The following ZNF729 variants were observed in gnomAD, a reference collection of about 807,000 sequenced individuals.
ZNF729 encodes zinc finger protein 729.
ZNF729 carries 15 observed loss-of-function variants against 12.2 expected under a neutral mutation model. The ratio of observed to expected loss-of-function variants is 1.23; its 90% CI spans 0.82 to 1.89. The LOEUF (loss-of-function observed/expected upper bound fraction) is 1.89, where lower values mean the gene tolerates loss of function less well. Among genes scored for constraint, ZNF729 ranks in the 40% most tolerant of loss-of-function variants. The pLI is 0.00. For synonymous variants in ZNF729, 492 were observed against 476.3 expected (o/e 1.03, Z -0.43); for missense variants, 1,540 against 1,456.7 (o/e 1.06, Z -0.93).
chr19:22,297,963 C>A (rs914676734), intron 1 of ZNF729, among the ~76,000 whole-genome samples: 15 of 148,598 alleles, frequency 1.0e-4, no homozygotes, highest in African/African-American at 3.7e-4. Flanking sequence ...CGAGATCACC[C>A]CATCGCACTC....
intron 1 of ZNF729, among the ~76,000 whole-genome samples, chr19:22,301,959 TC>T (rs1968312690): frequency 6.6e-6 from 1 of 152,312 alleles, no homozygotes; most frequent in Non-Finnish European, 1.5e-5. Context: ...GCCTGGCTCA[TC>T]ATTGGGTCAT....
rs1379385853 is a variant in ZNF729 at position 22,314,322 on chromosome 19, AG to A, written c.909del (p.Ser304ProfsTer9). The A allele has an allele frequency of 6.2e-7, 1 of 1,608,072 alleles. No homozygotes were observed. The highest frequency in any genetic ancestry group is 1.7e-5 in the Admixed American group (1 of 59,556). Reference protein sequence around the residue: ...YKCEECGKAFKGSSNFNAHKV... With the variant: ...YKCEECGKAFXGSSNFNAHKV... ...TGTGAAGAATGTGGCAAAGCTTTTA[AG>A]GGGTCCTCAAATTTTAATGCACATA... is the stretch of plus-strand genomic sequence containing the variant. On this transcript the variant is annotated frameshift_variant, in exon 4 of 4. Coordinates refer to ENST00000601693, the MANE Select transcript of ZNF729 (RefSeq NM_001242680.2). LOFTEE classifies it low-confidence loss of function (END_TRUNC).
intron 1 of ZNF729, chr19:22,298,952 A>C (rs772563675): frequency 6.6e-6 from 1 of 152,200 alleles, no homozygotes; most frequent in Non-Finnish European, 1.5e-5. Context: ...CCACTATATG[A>C]ACAAAGTCAG....
At position 22,316,451 on chromosome 19, in the gene ZNF729, C is replaced by T; in HGVS notation, c.3034C>T (p.Leu1012=). Residue 1012 remains leucine, a synonymous_variant, in exon 4 of 4, where the codon CTA becomes TTA. Transcript: ENST00000601693. Reference sequence around the variant, plus strand: ...TTCCTCAACCCTTAAGAAACATAAGCTAATTCATACTAGGGAGAAATTGTA... The same window carrying T: ...TTCCTCAACCCTTAAGAAACATAAGTTAATTCATACTAGGGAGAAATTGTA... ...NNSSTLKKHK[L]IHTREKLYKC... 1 of 1,610,282 alleles carries T rather than the reference C, an allele frequency of 6.2e-7. No individual in the cohort carries two copies. Among genetic ancestry groups the T allele is most frequent in the Non-Finnish European group, 8.5e-7 (1 of 1,178,656 alleles).
At chr19:22,312,076 C>T (rs4932976) in intron 3 of ZNF729, among the ~76,000 whole-genome samples, 19,793 of 152,048 alleles carry the variant, frequency 0.13, 1,504 homozygotes, top group East Asian at 0.28. Flanking sequence ...AAGCCATTTT[C>T]ATGAATTACC....
At chr19:22,312,432 G>T (rs1968461458) in intron 3 of ZNF729, among the ~76,000 whole-genome samples, 1 of 133,442 alleles carries the variant, frequency 7.5e-6, no homozygotes, top group South Asian at 2.9e-4. Context: ...AATGTGTCTT[G>T]TCTGAAATTG....
intron 1 of ZNF729, among the ~76,000 whole-genome samples, chr19:22,296,388 A>C (rs190502153): frequency 4.2e-4 from 64 of 152,220 alleles, no homozygotes; most frequent in African/African-American, 1.5e-3. Context: ...ATGTATTTCT[A>C]TTAGGTTTTT....
intron 1 of ZNF729, among the ~76,000 whole-genome samples, chr19:22,290,641 A>C (rs1346475707): frequency 6.6e-6 from 1 of 152,182 alleles, no homozygotes; most frequent in Non-Finnish European, 1.5e-5. Flanking sequence ...ACTCAGACTG[A>C]GGGTAGCTTA....
At chr19:22,306,183 G>A (rs1162655262) in intron 3 of ZNF729, among the ~76,000 whole-genome samples, 3 of 152,124 alleles carry the variant, frequency 2.0e-5, no homozygotes, top group Admixed American at 1.3e-4. Context: ...ACTTATGCCT[G>A]TAATTCCAGC....
intron 1 of ZNF729, among the ~76,000 whole-genome samples, chr19:22,287,251 G>C (rs1248726437): frequency 2.0e-5 from 3 of 150,780 alleles, no homozygotes; most frequent in Non-Finnish European, 4.4e-5. Flanking sequence ...AAAAAAAAAT[G>C]CACTTGAATT....
intron 1 of ZNF729, among the ~76,000 whole-genome samples, chr19:22,301,645 G>A (rs1212862864): frequency 6.6e-6 from 1 of 152,308 alleles, no homozygotes; most frequent in African/African-American, 2.4e-5. Context: ...TTGAGACTGT[G>A]GCTCTGTGAG....
At chr19:22,311,109 T>C (rs1968444938) in intron 3 of ZNF729, among the ~76,000 whole-genome samples, 1 of 152,176 alleles carries the variant, frequency 6.6e-6, no homozygotes, top group Non-Finnish European at 1.5e-5. Flanking sequence ...TTATGGTCTG[T>C]CAATTGTATT....
At position 22,314,242 on chromosome 19, in the gene ZNF729, G is replaced by T. The variant is rs1429141650; in HGVS notation, c.825G>T (p.Gln275His). The change falls in exon 4 of 4, where the codon CAG becomes CAT. Residue 275 changes from glutamine to histidine, a missense_variant. Physicochemically the swap from Gln to His is conservative, Grantham distance 24. Transcript: ENST00000601693. The stretch of plus-strand genomic sequence containing the variant: ...AAGAATGTGGCAAAGCTTTTAACCA[G>T]TCCTCAAATCTTACTGACCATAAGA... The part of the protein sequence containing the change: ...RCEECGKAFN[Q>H]SSNLTDHKRI... The T allele has an allele frequency of 6.2e-6, 10 of 1,607,398 alleles. No individual in the cohort carries two copies. Among genetic ancestry groups the T allele is most frequent in the Non-Finnish European group, 8.5e-6 (10 of 1,177,402 alleles).
intron 3 of ZNF729, among the ~76,000 whole-genome samples, chr19:22,311,353 G>A (rs577664334): frequency 2.2e-4 from 33 of 152,140 alleles, no homozygotes; most frequent in Admixed American, 9.8e-4. Flanking sequence ...TCTTAGCACC[G>A]CCTTTGCTGT....
At chr19:22,307,811 T>TG (rs1968401971) in intron 3 of ZNF729, among the ~76,000 whole-genome samples, 1 of 147,642 alleles carries the variant, frequency 6.8e-6, no homozygotes, top group African/African-American at 2.5e-5. Flanking sequence ...TTTTTTTTTT[T>TG]TTTTTTTTTT....
chr19:22,313,883 T>G lies in ZNF729; in HGVS notation c.466T>G (p.Cys156Gly). 1.3e-6 allele frequency: 2 copies of G among 1,543,242 alleles called. No individual in the cohort carries two copies. The highest frequency in any genetic ancestry group is 1.7e-6 in the Non-Finnish European group (2 of 1,147,916). ...AGCTACCCAGAGAAAAATATTTCAG[T>G]GTAACAAACATATGAAAGTCTTTCA... ...RTATQRKIFQ[C>G]NKHMKVFHKY... Residue 156 changes from cysteine to glycine, a missense_variant, in exon 4 of 4, where the codon TGT becomes GGT. Physicochemically the swap from Cys to Gly is radical, Grantham distance 159. Transcript: ENST00000601693.
rs191608060 is a variant in ZNF729, at chr19:22,305,394, T to C, written c.253+611T>C. On this transcript the variant is annotated intron_variant, in intron 3 of 3. Coordinates refer to ENST00000601693, the MANE Select transcript of ZNF729 (RefSeq NM_001242680.2). ...TTGTTTTCTTAATCTTTTACATGAATTTTCTATTTTTTATTATTATTGAAA... is the reference window on the plus strand; with the variant it reads ...TTGTTTTCTTAATCTTTTACATGAACTTTCTATTTTTTATTATTATTGAAA... Among the ~76,000 whole-genome samples, 575 of 152,328 alleles carry C rather than the reference T, an allele frequency of 3.8e-3. 3 individuals carry two copies. The highest frequency in any genetic ancestry group is 5.9e-3 in the Non-Finnish European group (401 of 68,028).
Position 22,314,009 on chromosome 19 carries a change from CATAAG to C in ZNF729, c.594_598del (p.His198GlnfsTer5). 1.3e-6 allele frequency: 2 copies of C among 1,540,548 alleles called. No homozygotes were observed. Among genetic ancestry groups the C allele is most frequent in the Non-Finnish European group, 1.7e-6 (2 of 1,146,104 alleles). On this transcript the variant is annotated frameshift_variant, in exon 4 of 4. Coordinates refer to ENST00000601693, the MANE Select transcript of ZNF729 (RefSeq NM_001242680.2). LOFTEE classifies it low-confidence loss of function (END_TRUNC). ...TTTCATGCTTTCATGCTTAATTCGA[CATAAG>C]AGAATTCATATTAGACAGAATATCT...
At chr19:22,294,995 A>G (rs1023359202) in intron 1 of ZNF729, among the ~76,000 whole-genome samples, 6 of 151,396 alleles carry the variant, frequency 4.0e-5, no homozygotes, top group African/African-American at 1.2e-4. Flanking sequence ...GATTCTTGAC[A>G]TAGAGATCTT....
Sources: gnomAD v4.1 joint callset for allele counts (sites outside exome capture counted in the v4.1 genomes callset) on GRCh38, gnomAD v4.1.1 for gene constraint, MANE v1.5 for transcripts, NCBI Gene and HGNC (gene_info 2026-07-23, HGNC 2026-07-21) for gene names.